GRIK4: variants seen among roughly 807,000 people sequenced by gnomAD.
GRIK4 encodes the protein glutamate ionotropic receptor kainate type subunit 4.
A neutral mutation model predicts 104.9 loss-of-function variants in GRIK4; 40 were observed. The observed-to-expected ratio is 0.38, with a 90% CI of 0.30 to 0.50. The LOEUF (loss-of-function observed/expected upper bound fraction) is 0.50. GRIK4 is among the 20% of genes least tolerant of loss of function. The pLI is 0.93. For synonymous variants in GRIK4, 485 were observed against 524.9 expected, an observed-to-expected ratio of 0.92 and a Z score of 1.04; for missense variants, 1,047 against 1,308.1, an observed-to-expected ratio of 0.80 and a Z score of 3.08.
chr11:120,702,551 G>A (rs1207713115), intron 3 of GRIK4, among the ~76,000 whole-genome samples: 4 of 152,142 alleles, frequency 2.6e-5, no homozygotes, highest in East Asian at 1.9e-4. Flanking sequence ...GACAGAGCTC[G>A]GGGGTGCTTT....
intron 3 of GRIK4, among the ~76,000 whole-genome samples, chr11:120,692,677 G>A (rs77776594): frequency 0.083 from 12,636 of 152,222 alleles, 584 homozygotes; most frequent in South Asian, 0.12. Context: ...GAACCCAAAC[G>A]ATGGAGACCC....
chr11:120,639,528 G>A (rs550229223), intron 1 of GRIK4, among the ~76,000 whole-genome samples: 2 of 152,256 alleles, frequency 1.3e-5, no homozygotes, highest in Admixed American at 1.3e-4. Context: ...CTTGGGGTCG[G>A]CCCCTGTCTC....
At chr11:120,672,051 C>T (rs968502961) in intron 3 of GRIK4, among the ~76,000 whole-genome samples, 2 of 152,122 alleles carry the variant, frequency 1.3e-5, no homozygotes, top group Non-Finnish European at 2.9e-5. Flanking sequence ...TTTGAAGTCA[C>T]ATAGTGTGAT....
chr11:120,649,457 G>C (rs1045677616), intron 1 of GRIK4, among the ~76,000 whole-genome samples: 2 of 152,236 alleles, frequency 1.3e-5, no homozygotes, highest in Admixed American at 6.5e-5. Flanking sequence ...GGAGCTCTGT[G>C]TCTGTGCCCA....
intron 2 of GRIK4, among the ~76,000 whole-genome samples, chr11:120,656,413 AT>A (rs1449369203): frequency 6.6e-6 from 1 of 152,146 alleles, no homozygotes; most frequent in Non-Finnish European, 1.5e-5. Context: ...CTGTGCAAAG[AT>A]TTTTGCAAGC....
At chr11:120,883,897 G>T (rs1005203836) in intron 11 of GRIK4, among the ~76,000 whole-genome samples, 1 of 152,234 alleles carries the variant, frequency 6.6e-6, no homozygotes, top group Non-Finnish European at 1.5e-5. Context: ...TGGAAGAGCT[G>T]GAAGAGGCGG....
chr11:120,616,987 T>C (rs893192122), intron 1 of GRIK4, among the ~76,000 whole-genome samples: 5 of 152,124 alleles, frequency 3.3e-5, no homozygotes, highest in Admixed American at 1.3e-4. Context: ...CAAAGAGGGT[T>C]CCAGGATGGC....
intron 3 of GRIK4, among the ~76,000 whole-genome samples, chr11:120,721,180 G>A (rs926037087): frequency 6.6e-6 from 1 of 152,134 alleles, no homozygotes; most frequent in Non-Finnish European, 1.5e-5. Context: ...GGAGCTACGG[G>A]GAGTGGTTCA....
rs1942841266 is a variant in GRIK4, at chr11:120,905,259, TG to T, written c.1273-30del. 1 of 1,516,200 alleles carries T rather than the reference TG, an allele frequency of 6.6e-7. No homozygotes were observed. The highest frequency in any genetic ancestry group is 1.4e-5 in the African/African-American group (1 of 72,758). 93.9% of individuals were successfully genotyped at this position (1,516,200 alleles called of 1,614,324 possible). On this transcript the variant is annotated intron_variant, in intron 12 of 20. Coordinates refer to ENST00000527524, the MANE Select transcript of GRIK4 (RefSeq NM_014619.5). This position sits in a 1 kb window ranked among gnomAD's most constrained non-coding sequence, Gnocchi z 5.1. ...CGCGGGTGAGACACCAGGGCTAAGA[TG>T]AGAATGACAGCTGCCCAGTTTTGCT...
intron 13 of GRIK4, among the ~76,000 whole-genome samples, chr11:120,929,008 T>C (rs1943420920): frequency 7.3e-6 from 1 of 136,256 alleles, no homozygotes. Flanking sequence ...CACGCGTGTA[T>C]GTGTGTGTGC....
At chr11:120,650,359 C>A (rs138391580) in intron 1 of GRIK4, among the ~76,000 whole-genome samples, 318 of 152,300 alleles carry the variant, frequency 2.1e-3, no homozygotes, top group African/African-American at 7.2e-3. Context: ...AGTAGATACG[C>A]AGAAAAGAAG....
intron 3 of GRIK4, among the ~76,000 whole-genome samples, chr11:120,779,225 A>T (rs935844094): frequency 6.6e-6 from 1 of 152,214 alleles, no homozygotes; most frequent in Non-Finnish European, 1.5e-5. Flanking sequence ...GGTAGTCCGC[A>T]GGCCTTCTGT....
Position 120,956,638 on chromosome 11 carries a change from C to A in GRIK4, c.1701-142C>A, listed in dbSNP as rs561130915. ...TTTTATTTTATTTTTTTTTTGGTTG[C>A]GAAACTCCAAGTCCAGCAAAGGGAA... On this transcript the variant is annotated intron_variant, in intron 15 of 20. Transcript: ENST00000527524. The surrounding 1 kb of genome is among the most constrained non-coding windows in gnomAD (Gnocchi z 4.6). 2.1e-6 allele frequency: 1 copy of A among 474,420 alleles called. No individual in the cohort carries two copies. The allele number at this position is 474,420 out of a possible 1,614,324, so 29.4% of individuals were successfully genotyped here. A position where few individuals can be genotyped will look rare whatever the true frequency, so the allele number is the denominator to read the frequency against.
intron 1 of GRIK4, among the ~76,000 whole-genome samples, chr11:120,566,638 G>A (rs1056813872): frequency 5.3e-5 from 8 of 151,900 alleles, no homozygotes; most frequent in African/African-American, 1.9e-4. Flanking sequence ...CAATTAATGG[G>A]TTGACATCAA....
rs192140704 is a variant in GRIK4, at chr11:120,534,454, G to A, written c.-159+22567G>A. Among the ~76,000 whole-genome samples the A allele has an allele frequency of 2.0e-5, 3 of 152,200 alleles. No individual in the cohort carries two copies. In the East Asian group the frequency reaches 5.8e-4, roughly 29 times the overall value. ...ACAGGGGCTTTAATGAGCTCCCCTC[G>A]AAAGAATGTTTAACGCGACCAAAGA... On this transcript the variant is annotated intron_variant, in intron 1 of 20. Transcript: ENST00000527524.
At chr11:120,961,893 T>A (rs572178613) in intron 17 of GRIK4, among the ~76,000 whole-genome samples, 1 of 152,370 alleles carries the variant, frequency 6.6e-6, no homozygotes, top group African/African-American at 2.4e-5. Context: ...AACAGTGAAG[T>A]CATCATGCAA....
At chr11:120,797,085 T>G (rs959695793) in intron 3 of GRIK4, among the ~76,000 whole-genome samples, 2 of 152,118 alleles carry the variant, frequency 1.3e-5, no homozygotes, top group Non-Finnish European at 2.9e-5. Context: ...GATCCCGGCT[T>G]CCTGGGCATG....
intron 16 of GRIK4, among the ~76,000 whole-genome samples, chr11:120,958,736 A>G (rs962127352): frequency 1.3e-5 from 2 of 152,220 alleles, no homozygotes; most frequent in Non-Finnish European, 2.9e-5. Context: ...CTTGTGACCA[A>G]TGGCCTAAAT....
intron 2 of GRIK4, among the ~76,000 whole-genome samples, chr11:120,658,600 G>A (rs1466490791): frequency 6.6e-6 from 1 of 151,828 alleles, no homozygotes; most frequent in Non-Finnish European, 1.5e-5. Flanking sequence ...TTTTCCTGAT[G>A]CTTAATGAGG....
Sources: gnomAD v4.1 joint callset for allele counts (sites outside exome capture counted in the v4.1 genomes callset) on GRCh38, gnomAD v4.1.1 for gene constraint, Gnocchi (gnomAD v3.1) non-coding constraint, MANE v1.5 for transcripts, NCBI Gene and HGNC (gene_info 2026-07-23, HGNC 2026-07-21) for gene names.